The following NIPAL2 variants were observed in gnomAD, a reference collection of about 807,000 sequenced individuals.
NIPAL2 encodes the protein NIPA like domain containing 2.
Under a neutral mutation model 48.9 loss-of-function variants are expected in NIPAL2, and 43 were observed. That is an observed-to-expected ratio of 0.88 (90% CI 0.69 to 1.13). NIPAL2 has a LOEUF of 1.13. NIPAL2 is among the 50% of genes most tolerant of loss of function. The probability of loss-of-function intolerance (pLI) is 0.00; values close to 1 mark genes in which losing one functional copy is unlikely to be tolerated. For missense variants in NIPAL2, 446 were observed against 461.4 expected, an observed-to-expected ratio of 0.97 and a Z score of 0.31; for synonymous variants, 167 against 174.6, an observed-to-expected ratio of 0.96 and a Z score of 0.34.
chr8:98,242,896 T>G (rs553445955), intron 3 of NIPAL2, among the ~76,000 whole-genome samples: 1 of 152,288 alleles, frequency 6.6e-6, no homozygotes, highest in South Asian at 2.1e-4. Flanking sequence ...AACACCACAC[T>G]GTACCCCATA....
At chr8:98,201,780 T>C (rs776283042) in intron 8 of NIPAL2, among the ~76,000 whole-genome samples, 1 of 152,214 alleles carries the variant, frequency 6.6e-6, no homozygotes, top group Non-Finnish European at 1.5e-5. Context: ...AAATTAGATG[T>C]CATGGGATAG....
At chr8:98,292,157 G>A (rs1448608004) in intron 1 of NIPAL2, among the ~76,000 whole-genome samples, 1 of 152,190 alleles carries the variant, frequency 6.6e-6, no homozygotes, top group Non-Finnish European at 1.5e-5. Flanking sequence ...CATTTTGATT[G>A]TGGGAGTGAC....
At chr8:98,258,696 C>T (rs1480165266) in intron 1 of NIPAL2, among the ~76,000 whole-genome samples, 7 of 152,194 alleles carry the variant, frequency 4.6e-5, no homozygotes, top group Non-Finnish European at 7.3e-5. Flanking sequence ...AGTGTTCAAA[C>T]TGTGTTCAAA....
At chr8:98,260,502 A>G (rs1327790297) in intron 1 of NIPAL2, among the ~76,000 whole-genome samples, 1 of 152,166 alleles carries the variant, frequency 6.6e-6, no homozygotes, top group Non-Finnish European at 1.5e-5. Flanking sequence ...TTTCCGAGTC[A>G]AAGAAAGGGG....
chr8:98,276,043 T>G (rs1405493606), intron 1 of NIPAL2, among the ~76,000 whole-genome samples: 1 of 152,204 alleles, frequency 6.6e-6, no homozygotes. Context: ...CCCATTCTCA[T>G]GAATCAAGAG....
intron 3 of NIPAL2, among the ~76,000 whole-genome samples, chr8:98,239,552 G>A (rs1251295107): frequency 6.6e-6 from 1 of 152,124 alleles, no homozygotes; most frequent in Non-Finnish European, 1.5e-5. Flanking sequence ...TATATCAATT[G>A]CTATAAAACA....
chr8:98,273,572 A>G (rs1815267256), intron 1 of NIPAL2, among the ~76,000 whole-genome samples: 1 of 152,158 alleles, frequency 6.6e-6, no homozygotes. Flanking sequence ...AAAAAACACT[A>G]TAGGTAGATA....
At chr8:98,281,130 G>A (rs1314844082) in intron 1 of NIPAL2, among the ~76,000 whole-genome samples, 1 of 152,080 alleles carries the variant, frequency 6.6e-6, no homozygotes, top group African/African-American at 2.4e-5. Flanking sequence ...TAGAGGGAAA[G>A]GACATGAAAT....
chr8:98,211,187 C>CT (rs906128159), intron 6 of NIPAL2, among the ~76,000 whole-genome samples: 5 of 151,968 alleles, frequency 3.3e-5, no homozygotes, highest in African/African-American at 7.3e-5. Flanking sequence ...TATTTCTTTT[C>CT]TTTTTTTTAC....
chr8:98,216,389 C>T (rs1312271963), intron 5 of NIPAL2, among the ~76,000 whole-genome samples: 1 of 152,228 alleles, frequency 6.6e-6, no homozygotes, highest in Admixed American at 6.5e-5. Flanking sequence ...AGAATGTAGT[C>T]TGAGCTAGAC....
chr8:98,212,459 T>A lies in NIPAL2; in HGVS notation c.601A>T (p.Lys201Ter), dbSNP rs1377975311. 1.3e-6 allele frequency: 2 copies of A among 1,579,202 alleles called. No individual in the cohort carries two copies. The highest frequency in any genetic ancestry group is 1.7e-4 in the Middle Eastern group (1 of 5,990). ...LIFCILLYFY[K>*]RKGMKHMVIL... ...ACCATATGCTTCATTCCTTTTCTTT[T>A]ATAGAAATACAGGAGAATGCAGAAA... The change falls in exon 6 of 11, where the codon AAA (lysine) becomes TAA (stop). Residue 201 changes from lysine (K) to a stop codon, truncating the protein, a stop_gained. Transcript: ENST00000430223. LOFTEE classifies it high-confidence loss of function.
intron 7 of NIPAL2, 103 bp from the exon 8 acceptor site, chr8:98,203,299 G>A: frequency 1.2e-6 from 1 of 826,172 alleles, no homozygotes; most frequent in Non-Finnish European, 2.1e-6. Context: ...CAACTACAAA[G>A]GGAAAGGAGG....
At chr8:98,206,653 TG>T (rs1288296597) in intron 6 of NIPAL2, among the ~76,000 whole-genome samples, 1 of 151,068 alleles carries the variant, frequency 6.6e-6, no homozygotes, top group Non-Finnish European at 1.5e-5. Flanking sequence ...CTGGGCATGG[TG>T]GTGGATGCCT....
Position 98,293,851 on chromosome 8 carries a change from C to A in NIPAL2, c.135+152G>T, listed in dbSNP as rs556269175. 94 of 720,240 alleles carry A rather than the reference C, an allele frequency of 1.3e-4. No homozygotes were observed. The African/African-American group carries it at 1.6e-3, about 12-fold the overall frequency. 44.6% of individuals were successfully genotyped at this position (720,240 alleles called of 1,614,324 possible). ...CGGATGAGGCGGACTTAGGTCAATG[C>A]GGGAAACATTGCATGTCACCTCTTC... On this transcript the variant is annotated intron_variant, in intron 1 of 10. Coordinates refer to ENST00000430223, the MANE Select transcript of NIPAL2 (RefSeq NM_001321635.2).
chr8:98,266,327 C>T lies in NIPAL2; in HGVS notation c.136-12240G>A, dbSNP rs185978052. ...AAAAAAAAAGTTATATTAGGCTGGA[C>T]GCAGTGGCTCACACCTGTAATCTTA... On this transcript the variant is annotated intron_variant, in intron 1 of 10. Transcript: ENST00000430223. 3.2e-3 allele frequency among the ~76,000 whole-genome samples: 490 copies of T among 150,852 alleles called. 1 individual carries two copies. The highest frequency in any genetic ancestry group is 0.011 in the African/African-American group (455 of 41,100).
intron 3 of NIPAL2, among the ~76,000 whole-genome samples, chr8:98,243,312 G>A (rs1242122938): frequency 6.6e-6 from 1 of 152,132 alleles, no homozygotes; most frequent in African/African-American, 2.4e-5. Context: ...GTTCATATAA[G>A]GAAACGTACA....
In NIPAL2 at chr8:98,222,738, A is replaced by G. The variant is rs1440657103; in HGVS notation, c.437-138T>C. 2.4e-5 allele frequency: 19 copies of G among 795,136 alleles called. No homozygotes were observed. In the South Asian group the frequency reaches 3.2e-4, roughly 13 times the overall value. 49.3% of individuals were successfully genotyped at this position (795,136 alleles called of 1,614,324 possible). ...CTATTATACTCCGTTTCATCAAACC[A>G]TCCTTGGATAGCGTCCACATTCACC... On this transcript the variant is annotated intron_variant, in intron 4 of 10. Coordinates refer to ENST00000430223, the MANE Select transcript of NIPAL2 (RefSeq NM_001321635.2).
intron 3 of NIPAL2, among the ~76,000 whole-genome samples, chr8:98,242,171 G>T (rs761138489): frequency 6.6e-6 from 1 of 152,152 alleles, no homozygotes; most frequent in East Asian, 1.9e-4. Context: ...ATTCCTAAAA[G>T]AGTAGATTTT....
chr8:98,193,125 G>A lies in NIPAL2; in HGVS notation c.1040-35C>T, dbSNP rs1239177165. The A allele has an allele frequency of 2.0e-6, 3 of 1,517,104 alleles. No individual in the cohort carries two copies. The Admixed American group carries it at 5.0e-5, about 25-fold the overall frequency. The allele number at this position is 1,517,104 out of a possible 1,614,324, so 94.0% of individuals were successfully genotyped here. ...TAATAATCATAGAGAATCTTTTGAG[G>A]TCTTACAGAAAAATAAGTCTTAATA... On this transcript the variant is annotated intron_variant, in intron 10 of 10. Transcript: ENST00000430223.
Sources: allele counts gnomAD v4.1 joint callset (sites outside exome capture counted in the v4.1 genomes callset), GRCh38; gene constraint gnomAD v4.1.1; transcripts MANE v1.5; gene names NCBI Gene and HGNC (gene_info 2026-07-23, HGNC 2026-07-21).